Variants in ATP11A observed in about 807,000 individuals in gnomAD.
ATP11A encodes the protein phospholipid-transporting ATPase IH.
A neutral mutation model predicts 154.4 loss-of-function variants in ATP11A; 81 were observed. That is an observed-to-expected ratio of 0.52 (90% CI 0.44 to 0.63). The LOEUF (loss-of-function observed/expected upper bound fraction) is 0.63, where lower values mean the gene tolerates loss of function less well. Among genes scored for constraint, ATP11A ranks in the 30% least tolerant of loss-of-function variants. The pLI is 0.00. For missense variants in ATP11A, 1,316 were observed against 1,474.3 expected, an observed-to-expected ratio of 0.89 and a Z score of 1.76; for synonymous variants, 623 against 585.9, an observed-to-expected ratio of 1.06 and a Z score of -0.91.
chr13:112,819,305 C>T lies in ATP11A; in HGVS notation c.572C>T (p.Thr191Met), dbSNP rs751759270. The part of the protein sequence containing the change: ...ASLDGESSHK[T>M]HYAVQDTKGF... ...CTCACATGTCTTGTGCATTTGTAGACGCATTACGCGGTCCAGGACACCAAA... is the reference window on the plus strand; with the variant it reads ...CTCACATGTCTTGTGCATTTGTAGATGCATTACGCGGTCCAGGACACCAAA... The change falls in exon 7 of 30, where the codon ACG becomes ATG. Residue 191 changes from threonine to methionine, a missense_variant and splice_region_variant. This residue lies in a region of ATP11A where 876 missense variants were observed against 1,006.8 expected (regional missense o/e 0.87). Transcript: ENST00000375645. The T allele has an allele frequency of 1.5e-5, 25 of 1,613,944 alleles. No homozygotes were observed. The Admixed American group carries it at 3.2e-4, about 20-fold the overall frequency.
At chr13:112,779,372 A>AGCCGCTGGAGTGAGGAGTC (rs2077441425) in intron 1 of ATP11A, among the ~76,000 whole-genome samples, 1 of 138,050 alleles carries the variant, frequency 7.2e-6, no homozygotes, top group Non-Finnish European at 1.5e-5. Flanking sequence ...AGTGAGGAGT[A>AGCCGCTGGAGTGAGGAGTC]GCCGCTGGAG....
intron 18 of ATP11A, 98 bp downstream of exon 18, chr13:112,851,316 C>T (rs1017492924): frequency 1.9e-5 from 23 of 1,235,356 alleles, no homozygotes; most frequent in Admixed American, 6.1e-5. Flanking sequence ...GGAGGCCATC[C>T]GCACAGCCGA....
intron 10 of ATP11A, 92 bp from the exon 11 acceptor site, chr13:112,825,338 T>C (rs1271582856): frequency 2.8e-6 from 4 of 1,414,118 alleles, no homozygotes; most frequent in Non-Finnish European, 2.9e-6. Context: ...CTATTCTGTT[T>C]CTTCACGAGG....
At chr13:112,822,744 A>G (rs1219192274) in intron 8 of ATP11A, among the ~76,000 whole-genome samples, 1 of 126,946 alleles carries the variant, frequency 7.9e-6, no homozygotes, top group Non-Finnish European at 1.6e-5. Context: ...ACCCTGTTGC[A>G]AAAAAAAAAA....
Position 112,834,603 on chromosome 13 carries a change from A to G in ATP11A, c.1574A>G (p.Tyr525Cys). 2.5e-6 allele frequency: 4 copies of G among 1,613,864 alleles called. No homozygotes were observed. Among genetic ancestry groups the G allele is most frequent in the Admixed American group, 1.7e-5 (1 of 60,028 alleles). Residue 525 changes from tyrosine (Y) to cysteine (C), a missense_variant, in exon 15 of 30, where the codon TAC (tyrosine) becomes TGC (cysteine). Tyr to Cys is a radical substitution (Grantham distance 194, BLOSUM62 -2). Transcript: ENST00000375645. The part of the protein sequence containing the change: ...VEGVQRLGFT[Y>C]LRLKDNYMEI... The stretch of plus-strand genomic sequence containing the variant: ...TCTCATTGCAGACTTGGCTTTACCT[A>G]CCTAAGGCTGAAGGACAATTACATG...
chr13:112,806,210 C>CTTT lies in ATP11A; in HGVS notation c.253-3_253-2insTTT. ...ATGATTTTACAATTCTCTCTTTCTG[C>CTTT]AGTTGATTATTGATACACCCACAAG... On this transcript the variant is annotated splice_region_variant and splice_polypyrimidine_tract_variant and intron_variant, in intron 3 of 29. Coordinates refer to ENST00000375645, the MANE Select transcript of ATP11A (RefSeq NM_015205.3). 6.2e-7 allele frequency: 1 copy of CTTT among 1,608,508 alleles called. No individual in the cohort carries two copies. Among genetic ancestry groups the CTTT allele is most frequent in the Non-Finnish European group, 8.5e-7 (1 of 1,176,280 alleles).
Position 112,771,719 on chromosome 13 carries a change from G to A in ATP11A, c.40-13416G>A, listed in dbSNP as rs142710747. Among the ~76,000 whole-genome samples the A allele has an allele frequency of 9.1e-3, 1,380 of 152,326 alleles. 29 individuals are homozygous for A. Among genetic ancestry groups the A allele is most frequent in the African/African-American group, 0.03 (1,255 of 41,564 alleles). On this transcript the variant is annotated intron_variant, in intron 1 of 29. Coordinates refer to ENST00000375645, the MANE Select transcript of ATP11A (RefSeq NM_015205.3). ...ACTGCTGGTGCTTCCCGTCACTCGGGTAGTCCCAGCCGCGGGCACACAGGC... is the reference window on the plus strand; with the variant it reads ...ACTGCTGGTGCTTCCCGTCACTCGGATAGTCCCAGCCGCGGGCACACAGGC...
Position 112,753,166 on chromosome 13 carries a change from G to A in ATP11A, c.40-31969G>A, listed in dbSNP as rs1020897368. ...TGTCCCTCCGTCCCTTTGTACCTGC[G>A]TGTTATGTGGATGGCGTGCATGTGT... On this transcript the variant is annotated intron_variant, in intron 1 of 29. Coordinates refer to ENST00000375645, the MANE Select transcript of ATP11A (RefSeq NM_015205.3). The surrounding 1 kb of genome is among the most constrained non-coding windows in gnomAD (Gnocchi z 4.1). Among the ~76,000 whole-genome samples the A allele has an allele frequency of 3.9e-5, 6 of 152,090 alleles. No individual in the cohort carries two copies. The highest frequency in any genetic ancestry group is 1.4e-4 in the African/African-American group (6 of 41,402).
chr13:112,701,554 C>T (rs968052963), intron 1 of ATP11A, among the ~76,000 whole-genome samples: 5 of 152,120 alleles, frequency 3.3e-5, no homozygotes, highest in African/African-American at 4.8e-5. Context: ...CTGTCAGGGC[C>T]GGGCGCGGTG....
At chr13:112,811,161 AACAC>A (rs10695491) in intron 5 of ATP11A, among the ~76,000 whole-genome samples, 2,417 of 115,544 alleles carry the variant, frequency 0.021, 25 homozygotes, top group Middle Eastern at 0.027. Context: ...TGCCCCTTCC[AACAC>A]ACACACACAC....
intron 1 of ATP11A, among the ~76,000 whole-genome samples, chr13:112,712,664 C>G (rs1438832333): frequency 6.6e-6 from 1 of 152,224 alleles, no homozygotes; most frequent in Non-Finnish European, 1.5e-5. Context: ...GCGTCAGTGC[C>G]CCACAGAGAC....
In ATP11A at chr13:112,690,369, C is replaced by A. The variant is rs765918598; in HGVS notation, c.-48C>A. ...CCCCGGAGCCCATGGGCGCGCCGAG[C>A]CGGGCGCGGGGGCGCTGAACGGCGG... On this transcript the variant is annotated 5_prime_UTR_variant, in exon 1 of 30. Coordinates refer to ENST00000375645, the MANE Select transcript of ATP11A (RefSeq NM_015205.3). The surrounding 1 kb of genome is among the most constrained non-coding windows in gnomAD (Gnocchi z 5.6). 2 of 1,247,160 alleles carry A rather than the reference C, an allele frequency of 1.6e-6. No homozygotes were observed. Among genetic ancestry groups the A allele is most frequent in the Non-Finnish European group, 1.0e-6 (1 of 995,410 alleles). 77.3% of individuals were successfully genotyped at this position (1,247,160 alleles called of 1,614,324 possible). A position where few individuals can be genotyped will look rare whatever the true frequency, so the allele number is the denominator to read the frequency against.
At chr13:112,791,553 T>C (rs1014130329) in intron 2 of ATP11A, among the ~76,000 whole-genome samples, 43 of 152,214 alleles carry the variant, frequency 2.8e-4, no homozygotes, top group Admixed American at 6.5e-5. Flanking sequence ...TCATTGCCCA[T>C]GGCGGCTTTG....
At chr13:112,804,467 C>G (rs1448191072) in intron 2 of ATP11A, among the ~76,000 whole-genome samples, 8 of 71,700 alleles carry the variant, frequency 1.1e-4, no homozygotes, top group East Asian at 7.4e-4. Flanking sequence ...CTCTGCCCTC[C>G]TTCCCCTCCT....
intron 5 of ATP11A, 93 bp from the exon 6 acceptor site, chr13:112,815,990 T>C (rs1046742194): frequency 1.7e-5 from 27 of 1,549,890 alleles, no homozygotes; most frequent in African/African-American, 1.1e-4. Flanking sequence ...TTCCTGTGAA[T>C]AGATGAGCAG....
intron 17 of ATP11A, among the ~76,000 whole-genome samples, chr13:112,847,865 C>G (rs1469597656): frequency 6.6e-6 from 1 of 152,172 alleles, no homozygotes; most frequent in Non-Finnish European, 1.5e-5. Flanking sequence ...GCATAAGGAT[C>G]ACTTGAGGCC....
intron 2 of ATP11A, among the ~76,000 whole-genome samples, chr13:112,792,000 C>T (rs1226406584): frequency 1.3e-5 from 2 of 152,186 alleles, no homozygotes; most frequent in Non-Finnish European, 2.9e-5. Flanking sequence ...AGCACTTGGC[C>T]GCCTTTCATC....
intron 1 of ATP11A, among the ~76,000 whole-genome samples, chr13:112,762,115 T>C (rs2076977581): frequency 6.6e-6 from 1 of 152,192 alleles, no homozygotes; most frequent in South Asian, 2.1e-4. Flanking sequence ...CTCGTGCTTA[T>C]GAGGTATATG....
At position 112,825,417 on chromosome 13, in the gene ATP11A, C is replaced by A. The variant is rs2078907423; in HGVS notation, c.873-13C>A. 1 of 1,603,366 alleles carries A rather than the reference C, an allele frequency of 6.2e-7. No homozygotes were observed. The highest frequency in any genetic ancestry group is 1.7e-5 in the Admixed American group (1 of 58,826). On this transcript the variant is annotated splice_polypyrimidine_tract_variant and intron_variant, in intron 10 of 29. Coordinates refer to ENST00000375645, the MANE Select transcript of ATP11A (RefSeq NM_015205.3). ...CTCAGGGACCAGTGATCACCTCTGT[C>A]CTTTTGTTTTAGATCGATGAATGCG... is the stretch of plus-strand genomic sequence containing the variant.
Sources: gnomAD v4.1 joint callset for allele counts (sites outside exome capture counted in the v4.1 genomes callset) on GRCh38, gnomAD v4.1.1 for gene constraint, gnomAD v4.1.1 regional missense constraint, Gnocchi (gnomAD v3.1) non-coding constraint, MANE v1.5 for transcripts, NCBI Gene and HGNC (gene_info 2026-07-23, HGNC 2026-07-21) for gene names.